The following AR variants were observed in gnomAD, a reference collection of about 807,000 sequenced individuals.
The protein encoded by AR is androgen receptor.
A neutral mutation model predicts 53.9 loss-of-function variants in AR; 8 were observed. The ratio of observed to expected loss-of-function variants is 0.15; its 90% CI spans 0.09 to 0.27. The LOEUF (loss-of-function observed/expected upper bound fraction) is 0.27. AR is among the 10% of genes least tolerant of loss of function. The pLI, the probability that AR is intolerant of heterozygous loss-of-function variation, is 1.00. For synonymous variants in AR, 359 were observed against 316.4 expected (o/e 1.13, Z -1.43); for missense variants, 639 against 742.5 (o/e 0.86, Z 1.62).
chrX:67,682,380 G>T (rs2075940091), intron 2 of AR, among the ~76,000 whole-genome samples: 1 of 111,160 alleles, frequency 9.0e-6, no homozygotes, highest in Non-Finnish European at 1.9e-5. Flanking sequence ...GACCTCCCAG[G>T]CATAAAGGAT....
chrX:67,708,336 C>T (rs923588957), intron 3 of AR, among the ~76,000 whole-genome samples: 3 of 111,379 alleles, frequency 2.7e-5, no homozygotes, highest in African/African-American at 9.8e-5. Flanking sequence ...AGGCTTTGTT[C>T]GTTTCTTTTT....
chrX:67,657,839 A>G (rs1202438868), intron 2 of AR, among the ~76,000 whole-genome samples: 1 of 111,737 alleles, frequency 8.9e-6, no homozygotes, highest in East Asian at 2.8e-4. Context: ...GATTGTTTCC[A>G]TATACTCAGG....
At chrX:67,581,321 A>G (rs1476535771) in intron 1 of AR, among the ~76,000 whole-genome samples, 1 of 112,039 alleles carries the variant, frequency 8.9e-6, no homozygotes, top group Non-Finnish European at 1.9e-5. Flanking sequence ...GATGTTTTAT[A>G]TGTACCTCTT....
At chrX:67,713,405 G>A (rs2076101436) in intron 4 of AR, among the ~76,000 whole-genome samples, 1 of 111,477 alleles carries the variant, frequency 9.0e-6, no homozygotes, top group Non-Finnish European at 1.9e-5. Context: ...GGAGAAGGTT[G>A]CTTTAATTCT....
intron 2 of AR, among the ~76,000 whole-genome samples, chrX:67,659,669 G>A (rs1416208700): frequency 5.4e-5 from 6 of 111,759 alleles, no homozygotes; most frequent in Middle Eastern, 4.6e-3. Context: ...ATAGTGCCAT[G>A]ATAAACATAC....
At chrX:67,714,611 A>G (rs1408100463) in intron 4 of AR, among the ~76,000 whole-genome samples, 2 of 112,121 alleles carry the variant, frequency 1.8e-5, no homozygotes, top group East Asian at 5.6e-4. Context: ...TATGATGTCA[A>G]TCGGATTCTA....
intron 3 of AR, among the ~76,000 whole-genome samples, chrX:67,697,358 G>C (rs181956124): frequency 4.5e-5 from 5 of 111,510 alleles, no homozygotes; most frequent in African/African-American, 1.6e-4. Flanking sequence ...ACTAGCAATA[G>C]TAAAAAACAT....
chrX:67,660,122 C>T (rs1926809760), intron 2 of AR, among the ~76,000 whole-genome samples: 1 of 111,673 alleles, frequency 9.0e-6, no homozygotes, highest in African/African-American at 3.3e-5. Context: ...TACCCTTTGT[C>T]AGATGAGTAG....
rs776059970 is a variant in AR, at chrX:67,661,682, G to T, written c.1768+18275G>T. Among the ~76,000 whole-genome samples, 7 of 111,370 alleles carry T rather than the reference G, an allele frequency of 6.3e-5. No individual in the cohort carries two copies. In the South Asian group the frequency reaches 2.7e-3, roughly 42 times the overall value. ...TTTGTTGTGTCTCTGCCTGGCTTTG[G>T]TATCAGGATGATGTTGGCCTCCTAA... On this transcript the variant is annotated intron_variant, in intron 2 of 7. Coordinates refer to ENST00000374690, the MANE Select transcript of AR (RefSeq NM_000044.6).
At position 67,723,871 on chromosome X, in the gene AR, G is replaced by A. The variant is rs1168710092; in HGVS notation, c.*30G>A. On this transcript the variant is annotated 3_prime_UTR_variant, in exon 8 of 8. Coordinates refer to ENST00000374690, the MANE Select transcript of AR (RefSeq NM_000044.6). ...TTGGAAACCCTATTTCCCCACCCCA[G>A]CTCATGCCCCCTTTCAGATGTCTTC... 1 of 1,205,022 alleles carries A rather than the reference G, an allele frequency of 8.3e-7. No individual in the cohort carries two copies. Among genetic ancestry groups the A allele is most frequent in the Non-Finnish European group, 1.1e-6 (1 of 892,824 alleles).
chrX:67,625,819 A>G (rs1924601622), intron 1 of AR, among the ~76,000 whole-genome samples: 1 of 111,835 alleles, frequency 8.9e-6, no homozygotes, highest in South Asian at 3.7e-4. Context: ...AGAAAATATC[A>G]AAGTAAATCT....
chrX:67,576,474 A>G (rs902751932), intron 1 of AR, among the ~76,000 whole-genome samples: 2 of 110,791 alleles, frequency 1.8e-5, no homozygotes, highest in African/African-American at 6.6e-5. Flanking sequence ...GAATTAAATC[A>G]TGAGTTTGTG....
chrX:67,687,212 T>C (rs938685376), intron 3 of AR, among the ~76,000 whole-genome samples: 2 of 111,761 alleles, frequency 1.8e-5, no homozygotes, highest in Non-Finnish European at 3.8e-5. Context: ...TGTGAGGTGT[T>C]CAATACCTTG....
intron 3 of AR, among the ~76,000 whole-genome samples, chrX:67,689,260 C>T (rs753669599): frequency 9.0e-6 from 1 of 111,461 alleles, no homozygotes; most frequent in Non-Finnish European, 1.9e-5. Context: ...TTTGATACAT[C>T]GTAATTGTAT....
chrX:67,604,738 C>G (rs750544330), intron 1 of AR, among the ~76,000 whole-genome samples: 1 of 111,790 alleles, frequency 8.9e-6, no homozygotes, highest in South Asian at 3.8e-4. Context: ...ATGAAAGTTT[C>G]ATACCCTCTT....
intron 2 of AR, among the ~76,000 whole-genome samples, chrX:67,680,290 T>C (rs1206067328): frequency 8.9e-6 from 1 of 112,190 alleles, no homozygotes; most frequent in Non-Finnish European, 1.9e-5. Flanking sequence ...CTTTAGATAC[T>C]TTAAATGTAC....
chrX:67,668,358 A>G (rs1259955119), intron 2 of AR, among the ~76,000 whole-genome samples: 2 of 112,265 alleles, frequency 1.8e-5, no homozygotes, highest in East Asian at 5.6e-4. Context: ...GATACGATGT[A>G]TCACACTGAT....
intron 1 of AR, among the ~76,000 whole-genome samples, chrX:67,614,889 T>G (rs1263394354): frequency 9.1e-6 from 1 of 109,801 alleles, no homozygotes; most frequent in East Asian, 2.9e-4. Flanking sequence ...AATAAAGAGA[T>G]AGAAGTTATA....
chrX:67,553,062 T>C (rs1050399968), intron 1 of AR, among the ~76,000 whole-genome samples: 5 of 112,001 alleles, frequency 4.5e-5, no homozygotes, highest in African/African-American at 1.6e-4. Context: ...TTTTTAAGTT[T>C]GATGAAGTCC....
Sources: allele counts gnomAD v4.1 joint callset (sites outside exome capture counted in the v4.1 genomes callset), GRCh38; gene constraint gnomAD v4.1.1; transcripts MANE v1.5; gene names NCBI Gene and HGNC (gene_info 2026-07-23, HGNC 2026-07-21).